PCDH15: variants seen among roughly 807,000 people sequenced by gnomAD.
The protein encoded by PCDH15 is protocadherin-15.
In PCDH15, 129 loss-of-function variants were observed where a neutral mutation model predicts 178.5. That is an observed-to-expected ratio of 0.72 (90% CI 0.63 to 0.84). The LOEUF (loss-of-function observed/expected upper bound fraction) is 0.84, where lower values mean the gene tolerates loss of function less well. Ranked by LOEUF, PCDH15 falls within the 40% of genes least tolerant of loss-of-function variation. PCDH15 has a pLI of 0.00. For synonymous variants in PCDH15, 800 were observed against 732.0 expected, an observed-to-expected ratio of 1.09 and a Z score of -1.50; for missense variants, 2,230 against 2,099.9, an observed-to-expected ratio of 1.06 and a Z score of -1.21.
intron 14 of PCDH15, among the ~76,000 whole-genome samples, chr10:54,138,647 T>C (rs574886610): frequency 4.6e-5 from 7 of 152,276 alleles, no homozygotes; most frequent in South Asian, 2.1e-4. Flanking sequence ...TGTTCTCTTG[T>C]GATGCTGTTT....
chr10:54,137,803 A>T (rs946803375), intron 14 of PCDH15, among the ~76,000 whole-genome samples: 1 of 152,166 alleles, frequency 6.6e-6, no homozygotes, highest in African/African-American at 2.4e-5. Flanking sequence ...GGCTTTTTGT[A>T]TGACCAGCTG....
intron 2 of PCDH15, among the ~76,000 whole-genome samples, chr10:55,509,858 G>A (rs1015106868): frequency 6.6e-6 from 1 of 151,816 alleles, no homozygotes; most frequent in Non-Finnish European, 1.5e-5. Context: ...ACAAATCATA[G>A]AGCTATTGAA....
intron 2 of PCDH15, among the ~76,000 whole-genome samples, chr10:54,955,242 T>G (rs1223550057): frequency 6.6e-6 from 1 of 151,306 alleles, no homozygotes; most frequent in African/African-American, 2.4e-5. Flanking sequence ...TATCAAATAA[T>G]TATATTGCTC....
chr10:55,273,660 A>T (rs1842508466), intron 1 of PCDH15, among the ~76,000 whole-genome samples: 1 of 152,006 alleles, frequency 6.6e-6, no homozygotes, highest in Non-Finnish European at 1.5e-5. Flanking sequence ...ACATCTACTC[A>T]CTATGTGAAT....
intron 3 of PCDH15, among the ~76,000 whole-genome samples, chr10:54,836,370 C>T (rs1953316306): frequency 6.6e-6 from 1 of 152,122 alleles, no homozygotes; most frequent in Non-Finnish European, 1.5e-5. Flanking sequence ...TTGTTACAAA[C>T]ACACATACGC....
chr10:55,307,241 G>A (rs553144198), intron 1 of PCDH15, among the ~76,000 whole-genome samples: 3 of 151,832 alleles, frequency 2.0e-5, no homozygotes, highest in African/African-American at 4.8e-5. Context: ...GGTAGCTCAC[G>A]TCTGTAATCC....
intron 1 of PCDH15, among the ~76,000 whole-genome samples, chr10:54,758,591 T>G: frequency 6.6e-6 from 1 of 152,328 alleles, no homozygotes; most frequent in Non-Finnish European, 1.5e-5. Context: ...ATGTAAAGTT[T>G]TATTTTACAC....
At position 53,806,526 on chromosome 10, in the gene PCDH15, AGTTT is replaced by A; in HGVS notation, c.*49_*52del. On this transcript the variant is annotated 3_prime_UTR_variant, in exon 38 of 38. Coordinates refer to ENST00000644397, the MANE Select transcript of PCDH15 (RefSeq NM_001384140.1). ...TTTTCTCAGTGACAATAAAAAGCAC[AGTTT>A]ATTAAAAATGTAAGTAAAAATTAAT... 7.2e-7 allele frequency: 1 copy of A among 1,380,550 alleles called. No homozygotes were observed. The highest frequency in any genetic ancestry group is 9.8e-7 in the Non-Finnish European group (1 of 1,017,364). The allele number at this position is 1,380,550 out of a possible 1,614,324, so 85.5% of individuals were successfully genotyped here. A position where few individuals can be genotyped will look rare whatever the true frequency, so the allele number is the denominator to read the frequency against.
intron 2 of PCDH15, among the ~76,000 whole-genome samples, chr10:54,626,079 T>C (rs1215319596): frequency 6.6e-6 from 1 of 152,060 alleles, no homozygotes; most frequent in Non-Finnish European, 1.5e-5. Context: ...ACTTTGAACT[T>C]GAGAGAGATG....
intron 8 of PCDH15, among the ~76,000 whole-genome samples, chr10:54,294,748 T>C (rs924775611): frequency 1.3e-5 from 2 of 152,222 alleles, no homozygotes; most frequent in African/African-American, 2.4e-5. Flanking sequence ...TCATCAATTA[T>C]ACATCAGTGT....
At chr10:53,930,535 C>T (rs2921920) in intron 25 of PCDH15, among the ~76,000 whole-genome samples, 6,996 of 145,850 alleles carry the variant, frequency 0.048, 501 homozygotes, top group African/African-American at 0.16. Flanking sequence ...ACTAGTCCAA[C>T]AGTCCCACAG....
At chr10:54,960,756 C>A (rs949681077) in intron 2 of PCDH15, among the ~76,000 whole-genome samples, 4 of 152,112 alleles carry the variant, frequency 2.6e-5, no homozygotes, top group Admixed American at 6.6e-5. Context: ...ATAAGCTTTG[C>A]TCCTTTAAAA....
At chr10:54,014,598 T>C (rs2092687095) in intron 20 of PCDH15, among the ~76,000 whole-genome samples, 1 of 152,198 alleles carries the variant, frequency 6.6e-6, no homozygotes, top group Non-Finnish European at 1.5e-5. Context: ...GATGCAAGGT[T>C]GGTTCAATAT....
intron 2 of PCDH15, among the ~76,000 whole-genome samples, chr10:55,454,948 C>T (rs538962969): frequency 1.3e-5 from 2 of 152,052 alleles, no homozygotes; most frequent in South Asian, 4.2e-4. Context: ...TATATACACA[C>T]AAACACACAT....
At chr10:55,370,260 A>G (rs531758416) in intron 2 of PCDH15, among the ~76,000 whole-genome samples, 1 of 152,232 alleles carries the variant, frequency 6.6e-6, no homozygotes, top group South Asian at 2.1e-4. Context: ...CTGGCAAAGA[A>G]AAAACACAAT....
intron 18 of PCDH15, among the ~76,000 whole-genome samples, chr10:54,034,167 G>A (rs977320628): frequency 6.6e-6 from 1 of 151,856 alleles, no homozygotes; most frequent in African/African-American, 2.4e-5. Context: ...AAATGCCTCT[G>A]GCTAATATAA....
Position 54,329,688 on chromosome 10 carries a change from C to G in PCDH15, c.613G>C (p.Glu205Gln). 1 of 1,600,296 alleles carries G rather than the reference C, an allele frequency of 6.2e-7. No homozygotes were observed. ...TTTCCAGTCAACATTAGGGGAATTT[C>G]AAAGGTGTCATTGGATGTCTGCAAA... ...PDDPTSNDTFEIPLMLTGNIV... is the reference protein window; with the variant it reads ...PDDPTSNDTFQIPLMLTGNIV... The change falls in exon 7 of 38, where the codon GAA (glutamate) becomes CAA (glutamine). Residue 205 changes from glutamate (E) to glutamine (Q), a missense_variant. By Grantham distance (29) the Glu-to-Gln change is conservative. Transcript: ENST00000644397.
intron 2 of PCDH15, among the ~76,000 whole-genome samples, chr10:54,957,594 C>T (rs1157560708): frequency 6.6e-6 from 1 of 151,406 alleles, no homozygotes; most frequent in African/African-American, 2.4e-5. Flanking sequence ...GAAAGAAATA[C>T]CGTAACTATA....
chr10:55,354,218 T>C (rs1006439240), intron 2 of PCDH15, among the ~76,000 whole-genome samples: 2 of 152,096 alleles, frequency 1.3e-5, no homozygotes, highest in African/African-American at 4.8e-5. Flanking sequence ...TCCCATCAGT[T>C]TGGATACCTG....
Sources: gnomAD v4.1 joint callset for allele counts (sites outside exome capture counted in the v4.1 genomes callset) on GRCh38, gnomAD v4.1.1 for gene constraint, MANE v1.5 for transcripts, NCBI Gene and HGNC (gene_info 2026-07-23, HGNC 2026-07-21) for gene names.